Variants in EMSY observed in about 807,000 individuals in gnomAD.
The protein encoded by EMSY is BRCA2-interacting transcriptional repressor EMSY.
In EMSY, 26 loss-of-function variants were observed where a neutral mutation model predicts 134.6. That is an observed-to-expected ratio of 0.19 (90% CI 0.14 to 0.27). EMSY has a LOEUF of 0.27. EMSY is among the 10% of genes least tolerant of loss of function. EMSY has a pLI of 1.00. For synonymous variants in EMSY, 579 were observed against 577.8 expected, an observed-to-expected ratio of 1.00 and a Z score of -0.03; for missense variants, 1,305 against 1,611.4, an observed-to-expected ratio of 0.81 and a Z score of 3.26.
chr11:76,523,158 C>T (rs550300639), exon 12 of EMSY: 11 of 1,605,890 alleles, frequency 6.8e-6, no homozygotes, highest in South Asian at 4.5e-5. Context: ...TTCTAAGGAA[C>T]GACTACCAAA....
At chr11:76,454,820 CT>C in intron 4 of EMSY, 30 bp downstream of exon 5, 1 of 1,393,366 alleles carries the variant, frequency 7.2e-7, no homozygotes, top group Admixed American at 2.4e-5. Flanking sequence ...TTATTTCAGG[CT>C]TTTTCTTGTA....
At chr11:76,485,784 C>T (rs1471987056) in intron 8 of EMSY, among the ~76,000 whole-genome samples, 1 of 152,180 alleles carries the variant, frequency 6.6e-6, no homozygotes, top group East Asian at 1.9e-4. Flanking sequence ...GAAATTGGAA[C>T]ACTTTTACAC....
intron 9 of EMSY, chr11:76,496,743 G>T (rs1301023599): frequency 1.1e-5 from 5 of 443,318 alleles, no homozygotes; most frequent in Non-Finnish European, 2.1e-5. Flanking sequence ...TATTGATCTT[G>T]TATCCTTTGA....
intron 2 of EMSY, among the ~76,000 whole-genome samples, chr11:76,449,331 T>G (rs953559154): frequency 6.6e-6 from 1 of 152,192 alleles, no homozygotes. Flanking sequence ...GGAAGTGATG[T>G]GGATTCTATA....
At chr11:76,478,489 C>T (rs1465864498) in intron 8 of EMSY, among the ~76,000 whole-genome samples, 8 of 151,766 alleles carry the variant, frequency 5.3e-5, no homozygotes, top group East Asian at 1.9e-4. Context: ...GATACAGGCG[C>T]GTGCCACCAT....
chr11:76,538,362 T>C (rs1951303955), intron 16 of EMSY, among the ~76,000 whole-genome samples: 1 of 152,074 alleles, frequency 6.6e-6, no homozygotes, highest in Admixed American at 6.6e-5. Context: ...TGGGCTCAGG[T>C]GATCCTCCTG....
In EMSY at chr11:76,539,491, C is replaced by T. The variant is rs1371253700; in HGVS notation, c.2516-108C>T. On this transcript the variant is annotated intron_variant, in intron 16 of 20. Transcript: ENST00000334736. ...ATATTTAGCAGAAAGCTAATTCAAG[C>T]AGAGGCCAGTATTCTGGGGAACATA... 5.7e-6 allele frequency: 6 copies of T among 1,051,632 alleles called. No individual in the cohort carries two copies. The African/African-American group carries it at 9.5e-5, about 17-fold the overall frequency. 65.1% of individuals were successfully genotyped at this position (1,051,632 alleles called of 1,614,324 possible).
chr11:76,477,298 T>G (rs533615772), intron 8 of EMSY, among the ~76,000 whole-genome samples: 22 of 151,038 alleles, frequency 1.5e-4, no homozygotes, highest in African/African-American at 5.1e-4. Context: ...GTTTTTTGTT[T>G]TTTTTGGATT....
intron 8 of EMSY, among the ~76,000 whole-genome samples, chr11:76,485,958 T>A (rs970977280): frequency 6.6e-6 from 1 of 152,196 alleles, no homozygotes; most frequent in Admixed American, 6.5e-5. Context: ...ACATGTATGT[T>A]TATTGCAGCC....
intron 20 of EMSY, among the ~76,000 whole-genome samples, 197 bp downstream of exon 21, chr11:76,546,494 A>G (rs749808112): frequency 2.6e-5 from 4 of 152,188 alleles, no homozygotes; most frequent in Non-Finnish European, 4.4e-5. Context: ...CTGGAAGAGG[A>G]TCAGAAAATT....
chr11:76,519,138 C>T (rs776022945), intron 11 of EMSY, among the ~76,000 whole-genome samples: 2 of 149,042 alleles, frequency 1.3e-5, no homozygotes, highest in African/African-American at 2.5e-5. Flanking sequence ...GATCTCTGCT[C>T]ACTGCTACCC....
intron 4 of EMSY, among the ~76,000 whole-genome samples, chr11:76,455,475 A>G (rs528815130): frequency 6.6e-6 from 1 of 152,204 alleles, no homozygotes; most frequent in South Asian, 2.1e-4. Context: ...GATTATCTAT[A>G]GGAGGGCTTC....
At chr11:76,542,745 C>CGTTTTTTGTTTTTT (rs199877807) in intron 18 of EMSY, among the ~76,000 whole-genome samples, 2 of 129,214 alleles carry the variant, frequency 1.5e-5, no homozygotes. Flanking sequence ...GTTTGTTTTT[C>CGTTTTTTGTTTTTT]GTTTTTTGTT....
At chr11:76,507,075 A>T (rs895343131) in intron 9 of EMSY, among the ~76,000 whole-genome samples, 3 of 152,374 alleles carry the variant, frequency 2.0e-5, no homozygotes, top group Admixed American at 2.0e-4. Flanking sequence ...CAGTGCATAT[A>T]AAAGTTATGT....
chr11:76,450,215 C>G (rs1208269957), intron 2 of EMSY, among the ~76,000 whole-genome samples: 3 of 152,136 alleles, frequency 2.0e-5, no homozygotes, highest in Non-Finnish European at 4.4e-5. Context: ...CAATACTGAT[C>G]TGTTGAATAA....
At chr11:76,543,503 G>A (rs1951524463) in intron 18 of EMSY, among the ~76,000 whole-genome samples, 1 of 152,146 alleles carries the variant, frequency 6.6e-6, no homozygotes, top group African/African-American at 2.4e-5. Flanking sequence ...TCCTGACATT[G>A]ACCTTTCTCC....
At chr11:76,543,391 G>A (rs1951518015) in intron 18 of EMSY, among the ~76,000 whole-genome samples, 1 of 152,186 alleles carries the variant, frequency 6.6e-6, no homozygotes, top group Non-Finnish European at 1.5e-5. Context: ...TAGGGAGGAT[G>A]GGGATAGGGT....
At chr11:76,491,177 C>CTTTTTTTTTTT (rs61688457) in intron 8 of EMSY, among the ~76,000 whole-genome samples, 1 of 129,916 alleles carries the variant, frequency 7.7e-6, no homozygotes. Context: ...CTTCTTTTTT[C>CTTTTTTTTTTT]TTTTTTTTTT....
chr11:76,505,933 G>A (rs1228196015), intron 9 of EMSY, among the ~76,000 whole-genome samples: 1 of 151,878 alleles, frequency 6.6e-6, no homozygotes, highest in African/African-American at 2.4e-5. Context: ...GTAGGCCAAG[G>A]CGAGAGAATC....
Sources: allele counts gnomAD v4.1 joint callset (sites outside exome capture counted in the v4.1 genomes callset), GRCh38; gene constraint gnomAD v4.1.1; transcripts MANE v1.5; gene names NCBI Gene and HGNC (gene_info 2026-07-23, HGNC 2026-07-21).